The following SLC29A4 variants were observed in gnomAD, a reference collection of about 807,000 sequenced individuals.
SLC29A4 encodes solute carrier family 29 member 4.
A neutral mutation model predicts 43.9 loss-of-function variants in SLC29A4; 36 were observed. That is an observed-to-expected ratio of 0.82 (90% CI 0.63 to 1.08). The LOEUF (loss-of-function observed/expected upper bound fraction) is 1.08. Ranked by LOEUF, SLC29A4 falls within the 50% of genes least tolerant of loss-of-function variation. SLC29A4 has a pLI of 0.00. For synonymous variants in SLC29A4, 491 were observed against 338.0 expected (o/e 1.45, Z -4.97); for missense variants, 869 against 755.3 (o/e 1.15, Z -1.77).
intron 6 of SLC29A4, among the ~76,000 whole-genome samples, chr7:5,296,328 C>T (rs1441465423): frequency 6.6e-6 from 1 of 151,374 alleles, no homozygotes; most frequent in African/African-American, 2.4e-5. Context: ...CCTACTGCGT[C>T]CTCAGAGCAG....
intron 1 of SLC29A4, among the ~76,000 whole-genome samples, chr7:5,283,879 G>A (rs1222632748): frequency 1.3e-5 from 2 of 152,214 alleles, no homozygotes; most frequent in East Asian, 1.9e-4. Context: ...CTGGCTGGCC[G>A]GAGGAGCGCG....
chr7:5,290,855 A>G lies in SLC29A4; in HGVS notation c.293A>G (p.Lys98Arg), dbSNP rs1785259538. The G allele has an allele frequency of 1.9e-6, 3 of 1,612,262 alleles. No homozygotes were observed. Among genetic ancestry groups the G allele is most frequent in the Non-Finnish European group, 2.5e-6 (3 of 1,179,310 alleles). The part of the protein sequence containing the change: ...FITDVDYLHH[K>R]YPGTSIVFDM... ...ACGGACGTGGACTACCTGCATCACA[A>G]GTACCCAGGTGGGTCCCTCCACGGT... Residue 98 changes from lysine (K) to arginine (R), a missense_variant, in exon 3 of 11, where the codon AAG (lysine) becomes AGG (arginine). By Grantham distance (26) the Lys-to-Arg change is conservative (BLOSUM62 2). Transcript: ENST00000396872.
At chr7:5,286,749 A>C (rs969757574) in intron 1 of SLC29A4, among the ~76,000 whole-genome samples, 1 of 152,154 alleles carries the variant, frequency 6.6e-6, no homozygotes, top group African/African-American at 2.4e-5. Context: ...CCCAGGACCA[A>C]GGGCCATCGT....
rs528998352 is a variant in SLC29A4 at position 5,287,350 on chromosome 7, C to T, written c.-8-459C>T. 2.7e-5 allele frequency among the ~76,000 whole-genome samples: 4 copies of T among 149,900 alleles called. No homozygotes were observed. The South Asian group carries it at 8.4e-4, about 32-fold the overall frequency. On this transcript the variant is annotated intron_variant, in intron 1 of 10. Transcript: ENST00000396872. Reference sequence around the variant, plus strand: ...GGAGGATCCCTTGAGCCCAGGAGGTCGTGGCTGAAATGAGTGATGGTTGCA... The same window carrying T: ...GGAGGATCCCTTGAGCCCAGGAGGTTGTGGCTGAAATGAGTGATGGTTGCA...
At chr7:5,285,051 C>T (rs1242954320) in intron 1 of SLC29A4, among the ~76,000 whole-genome samples, 8 of 152,208 alleles carry the variant, frequency 5.3e-5, no homozygotes, top group Non-Finnish European at 1.0e-4. Flanking sequence ...TGTAGACTGT[C>T]ACCCTGACAC....
intron 1 of SLC29A4, among the ~76,000 whole-genome samples, chr7:5,286,282 T>G (rs1351316338): frequency 6.6e-6 from 1 of 152,070 alleles, no homozygotes; most frequent in Non-Finnish European, 1.5e-5. Context: ...CCTAGCACTT[T>G]GGGAGGCCGA....
At chr7:5,288,963 G>A (rs1470855615) in intron 2 of SLC29A4, among the ~76,000 whole-genome samples, 2 of 152,148 alleles carry the variant, frequency 1.3e-5, no homozygotes, top group African/African-American at 4.8e-5. Context: ...TCTGGAAAAG[G>A]GAGATGATAC....
rs149718499 is a variant in SLC29A4, at chr7:5,296,211, C to A, written c.620-725C>A. ...GGACAGGGGCCCTCTAACTGCCCCCCACCTCTGCGCGCCCTCTGTTCCATT... is the reference window on the plus strand; with the variant it reads ...GGACAGGGGCCCTCTAACTGCCCCCAACCTCTGCGCGCCCTCTGTTCCATT... On this transcript the variant is annotated intron_variant, in intron 6 of 10. Coordinates refer to ENST00000396872, the MANE Select transcript of SLC29A4 (RefSeq NM_153247.4). Among the ~76,000 whole-genome samples, 15 of 152,216 alleles carry A rather than the reference C, an allele frequency of 9.9e-5. No homozygotes were observed. In the South Asian group the frequency reaches 3.1e-3, roughly 32 times the overall value.
At chr7:5,289,465 C>G (rs892279769) in intron 2 of SLC29A4, among the ~76,000 whole-genome samples, 3 of 152,250 alleles carry the variant, frequency 2.0e-5, no homozygotes, top group East Asian at 3.9e-4. Context: ...TCAGGAAGGT[C>G]ATGGACAGTC....
chr7:5,290,194 C>T (rs1327819494), intron 2 of SLC29A4, among the ~76,000 whole-genome samples: 2 of 152,092 alleles, frequency 1.3e-5, no homozygotes, highest in African/African-American at 2.4e-5. Context: ...GCTGGGACTA[C>T]AGGCGCCCAC....
chr7:5,298,428 C>T (rs555359227), intron 7 of SLC29A4, among the ~76,000 whole-genome samples: 2 of 152,182 alleles, frequency 1.3e-5, no homozygotes, highest in East Asian at 1.9e-4. Flanking sequence ...GGACCAGATG[C>T]TCTGGTTGGT....
intron 5 of SLC29A4, among the ~76,000 whole-genome samples, chr7:5,294,027 A>AC (rs1785480116): frequency 6.6e-6 from 1 of 150,396 alleles, no homozygotes; most frequent in South Asian, 2.2e-4. Context: ...AATCATGTGA[A>AC]CCCAGGAGGC....
At chr7:5,291,043 C>T (rs1370119811) in intron 3 of SLC29A4, 81 bp from the exon 4 acceptor site, 60 of 1,565,316 alleles carry the variant, frequency 3.8e-5, no homozygotes, top group Non-Finnish European at 4.8e-5. Context: ...CAGCGAGCCC[C>T]TTCTGGGAGG....
At position 5,302,857 on chromosome 7, in the gene SLC29A4, G is replaced by T; in HGVS notation, c.1511G>T (p.Cys504Phe). The change falls in exon 11 of 11, where the codon TGC (cysteine) becomes TTC (phenylalanine). Residue 504 changes from cysteine to phenylalanine, a missense_variant. Coordinates refer to ENST00000396872, the MANE Select transcript of SLC29A4 (RefSeq NM_153247.4). ...ACGCTGGGGTCCGCCGTGGCCTACT[G>T]CACCTACAGCCTCACCCGCGACGCT... ...GLTLGSAVAY[C>F]TYSLTRDAHG... is the part of the protein sequence containing the mutation. 2.5e-6 allele frequency: 4 copies of T among 1,598,850 alleles called. No individual in the cohort carries two copies. Among genetic ancestry groups the T allele is most frequent in the Non-Finnish European group, 3.4e-6 (4 of 1,173,148 alleles).
At chr7:5,284,259 C>T (rs930992555) in intron 1 of SLC29A4, among the ~76,000 whole-genome samples, 7 of 152,178 alleles carry the variant, frequency 4.6e-5, no homozygotes, top group Non-Finnish European at 8.8e-5. Context: ...TGGGGGAGAG[C>T]GGTGGGAGCC....
At chr7:5,293,079 G>A (rs1446480307) in intron 5 of SLC29A4, among the ~76,000 whole-genome samples, 3 of 150,686 alleles carry the variant, frequency 2.0e-5, no homozygotes, top group South Asian at 4.2e-4. Flanking sequence ...AATCCGGGAC[G>A]GTCCTTCACC....
intron 10 of SLC29A4, among the ~76,000 whole-genome samples, chr7:5,301,522 C>T (rs984548755): frequency 2.0e-5 from 3 of 152,090 alleles, no homozygotes; most frequent in Non-Finnish European, 2.9e-5. Flanking sequence ...GTGCAAAGAT[C>T]CTGCGGCACT....
chr7:5,283,955 A>G (rs1335773750), intron 1 of SLC29A4, among the ~76,000 whole-genome samples: 1 of 151,136 alleles, frequency 6.6e-6, no homozygotes, highest in Admixed American at 6.6e-5. Flanking sequence ...GCCCTGGGCC[A>G]CTGTGCACTT....
rs758783624 is a variant in SLC29A4, at chr7:5,287,954, G to A, written c.138G>A (p.Arg46=). The change falls in exon 2 of 11, where the codon AGG becomes AGA. Residue 46 remains arginine (R), a synonymous_variant. Coordinates refer to ENST00000396872, the MANE Select transcript of SLC29A4 (RefSeq NM_153247.4). Reference sequence around the variant, plus strand: ...AGGCGGCTCAGGGCCAGGGCCTTAGGGCCAGGGGCGTCCCAGCTTTCACGG... The same window carrying A: ...AGGCGGCTCAGGGCCAGGGCCTTAGAGCCAGGGGCGTCCCAGCTTTCACGG... ...AAEAAQGQGL[R]ARGVPAFTDT... is the part of the protein sequence containing the mutation. The A allele has an allele frequency of 7.5e-6, 12 of 1,610,368 alleles. No individual in the cohort carries two copies. The highest frequency in any genetic ancestry group is 1.0e-5 in the Non-Finnish European group (12 of 1,179,378).
Sources: allele counts gnomAD v4.1 joint callset (sites outside exome capture counted in the v4.1 genomes callset), GRCh38; gene constraint gnomAD v4.1.1; transcripts MANE v1.5; gene names NCBI Gene and HGNC (gene_info 2026-07-23, HGNC 2026-07-21).